TOP1: variants seen among roughly 807,000 people sequenced by gnomAD.
TOP1 encodes the protein DNA topoisomerase 1.
A neutral mutation model predicts 111.1 loss-of-function variants in TOP1; 10 were observed. The observed-to-expected ratio is 0.09, with a 90% CI of 0.06 to 0.15. TOP1 has a LOEUF of 0.15. TOP1 is among the 10% of genes least tolerant of loss of function. The pLI, the probability that TOP1 is intolerant of heterozygous loss-of-function variation, is 1.00. For synonymous variants in TOP1, 271 were observed against 302.9 expected, an observed-to-expected ratio of 0.89 and a Z score of 1.10; for missense variants, 474 against 926.7, an observed-to-expected ratio of 0.51 and a Z score of 6.34.
chr20:41,088,534 G>C (rs1304741673), intron 8 of TOP1, among the ~76,000 whole-genome samples: 2 of 152,030 alleles, frequency 1.3e-5, no homozygotes, highest in Non-Finnish European at 2.9e-5. Context: ...AAACACTGTA[G>C]TCGATGAGAA....
chr20:41,061,267 G>T lies in TOP1; in HGVS notation c.59-127G>T. 2.6e-6 allele frequency: 2 copies of T among 776,760 alleles called. No homozygotes were observed. Among genetic ancestry groups the T allele is most frequent in the African/African-American group, 1.7e-5 (1 of 57,716 alleles). 48.1% of individuals were successfully genotyped at this position (776,760 alleles called of 1,614,324 possible). A position where few individuals can be genotyped will look rare whatever the true frequency, so the allele number is the denominator to read the frequency against. ...TTTGTGAAAGCTTTTTTTTTCAGTG[G>T]CATGTGCTATTATGCCTACCATGCC... is the stretch of plus-strand genomic sequence containing the variant. On this transcript the variant is annotated intron_variant, in intron 2 of 20. Transcript: ENST00000361337. The surrounding 1 kb of genome is among the most constrained non-coding windows in gnomAD (Gnocchi z 4.6).
Position 41,065,120 on chromosome 20 carries a change from G to T in TOP1, c.155+3630G>T, listed in dbSNP as rs1443194170. ...GGGTTTCACCATGTTGACTAGGCTGGTCTCAAACTCCTGACCTCAAGTGAT... is the reference window on the plus strand; with the variant it reads ...GGGTTTCACCATGTTGACTAGGCTGTTCTCAAACTCCTGACCTCAAGTGAT... On this transcript the variant is annotated intron_variant, in intron 3 of 20. Coordinates refer to ENST00000361337, the MANE Select transcript of TOP1 (RefSeq NM_003286.4). Among the ~76,000 whole-genome samples, 7 of 152,222 alleles carry T rather than the reference G, an allele frequency of 4.6e-5. 1 individual carries two copies. The East Asian group carries it at 1.3e-3, about 29-fold the overall frequency.
intron 3 of TOP1, among the ~76,000 whole-genome samples, chr20:41,068,359 C>T (rs1009361432): frequency 6.6e-6 from 1 of 152,210 alleles, no homozygotes; most frequent in Non-Finnish European, 1.5e-5. Flanking sequence ...CATCACTTAT[C>T]TCTTGACACT....
At chr20:41,038,537 G>A (rs889341802) in intron 2 of TOP1, among the ~76,000 whole-genome samples, 5 of 152,122 alleles carry the variant, frequency 3.3e-5, no homozygotes, top group African/African-American at 1.2e-4. Context: ...GGTCACTAGG[G>A]AGCATTGAGT....
At chr20:41,073,497 G>T (rs1373459757) in intron 3 of TOP1, 2 of 984,632 alleles carry the variant, frequency 2.0e-6, no homozygotes, top group Non-Finnish European at 2.4e-6. Context: ...GTAAAATAAA[G>T]CTAGGACCTT....
intron 2 of TOP1, among the ~76,000 whole-genome samples, chr20:41,051,796 T>G (rs1401596108): frequency 6.6e-6 from 1 of 152,136 alleles, no homozygotes; most frequent in Admixed American, 6.5e-5. Context: ...TGGGTATGGT[T>G]GCTGCCTCAA....
At chr20:41,090,409 C>G (rs528061936) in intron 8 of TOP1, among the ~76,000 whole-genome samples, 34 of 152,320 alleles carry the variant, frequency 2.2e-4, no homozygotes, top group Non-Finnish European at 3.7e-4. Context: ...TTATCAGATA[C>G]ATGATTTACA....
At chr20:41,043,133 A>G (rs1330457883) in intron 2 of TOP1, among the ~76,000 whole-genome samples, 2 of 152,246 alleles carry the variant, frequency 1.3e-5, no homozygotes, top group African/African-American at 4.8e-5. Flanking sequence ...CTTGTTGGAC[A>G]TGCAGATTCT....
intron 9 of TOP1, among the ~76,000 whole-genome samples, chr20:41,096,512 T>C (rs2033984902): frequency 6.6e-6 from 1 of 152,220 alleles, no homozygotes; most frequent in South Asian, 2.1e-4. Flanking sequence ...CTAGTGTGCA[T>C]CCAAGTCTTG....
intron 9 of TOP1, among the ~76,000 whole-genome samples, chr20:41,096,197 G>C (rs546893552): frequency 6.6e-6 from 1 of 152,282 alleles, no homozygotes; most frequent in East Asian, 1.9e-4. Flanking sequence ...CTCCTGAGTA[G>C]CTGGAGTTAC....
chr20:41,029,514 G>A lies in TOP1; in HGVS notation c.58+59G>A, dbSNP rs1169530766. The A allele has an allele frequency of 7.1e-7, 1 of 1,410,168 alleles. No individual in the cohort carries two copies. Among genetic ancestry groups the A allele is most frequent in the East Asian group, 2.5e-5 (1 of 39,494 alleles). The allele number at this position is 1,410,168 out of a possible 1,614,324, so 87.4% of individuals were successfully genotyped here. The stretch of plus-strand genomic sequence containing the variant: ...CCCAGCCGCCGGCCGCCTCCCCCGC[G>A]CCCTGCCGGTGCCGGGCAGAGGACA... On this transcript the variant is annotated intron_variant, in intron 2 of 20. Transcript: ENST00000361337. The surrounding 1 kb of genome is among the most constrained non-coding windows in gnomAD (Gnocchi z 6.1).
Position 41,029,121 on chromosome 20 carries a change from G to A in TOP1, c.33+21G>A, listed in dbSNP as rs1435340081. 9.4e-6 allele frequency: 14 copies of A among 1,487,742 alleles called. No homozygotes were observed. Among genetic ancestry groups the A allele is most frequent in the Admixed American group, 2.3e-5 (1 of 43,632 alleles). 92.2% of individuals were successfully genotyped at this position (1,487,742 alleles called of 1,614,324 possible). A position where few individuals can be genotyped will look rare whatever the true frequency, so the allele number is the denominator to read the frequency against. Reference sequence around the variant, plus strand: ...CCCAGGTACGGCCCGGCCTGACCCTGGCGGCCCCGGACCCCGGCCTGGCCG... The same window carrying A: ...CCCAGGTACGGCCCGGCCTGACCCTAGCGGCCCCGGACCCCGGCCTGGCCG... On this transcript the variant is annotated intron_variant, in intron 1 of 20. Coordinates refer to ENST00000361337, the MANE Select transcript of TOP1 (RefSeq NM_003286.4). The surrounding 1 kb of genome is among the most constrained non-coding windows in gnomAD (Gnocchi z 6.1).
intron 2 of TOP1, among the ~76,000 whole-genome samples, chr20:41,052,882 C>G (rs547081622): frequency 1.4e-4 from 22 of 152,160 alleles, no homozygotes; most frequent in Admixed American, 5.9e-4. Flanking sequence ...CCCAGCTACT[C>G]GGGAGCCTGA....
chr20:41,077,628 G>T lies in TOP1; in HGVS notation c.326G>T (p.Gly109Val). 2 of 1,614,030 alleles carry T rather than the reference G, an allele frequency of 1.2e-6. No individual in the cohort carries two copies. Among genetic ancestry groups the T allele is most frequent in the Non-Finnish European group, 1.7e-6 (2 of 1,179,902 alleles). Residue 109 changes from glycine (G) to valine (V), a missense_variant, in exon 5 of 21, where the codon GGC becomes GTC. Physicochemically the swap from Gly to Val is moderately radical, Grantham distance 109 (BLOSUM62 -3). This residue lies in a region of TOP1 where 185 missense variants were observed against 226.3 expected (regional missense o/e 0.82). Coordinates refer to ENST00000361337, the MANE Select transcript of TOP1 (RefSeq NM_003286.4). The part of the protein sequence containing the change: ...DAKIKKEKEN[G>V]FSSPPQIKDE... ...AAAATAAAGAAGGAGAAGGAAAATG[G>T]CTTCTCTAGGTAAGACTTTGCTGCT...
Position 41,101,053 on chromosome 20 carries a change from G to A in TOP1, c.1164-156G>A. 1.5e-6 allele frequency: 1 copy of A among 662,038 alleles called. No individual in the cohort carries two copies. The allele number at this position is 662,038 out of a possible 1,614,324, so 41.0% of individuals were successfully genotyped here. ...TATTTTCGGATGACAGTTGGCTGAG[G>A]GTAAGTAAAACCATGCATAAGGTGG... On this transcript the variant is annotated intron_variant, in intron 12 of 20. Transcript: ENST00000361337. The surrounding 1 kb of genome is among the most constrained non-coding windows in gnomAD (Gnocchi z 4.1).
chr20:41,064,996 C>T (rs1431466392), intron 3 of TOP1, among the ~76,000 whole-genome samples: 4 of 152,084 alleles, frequency 2.6e-5, no homozygotes, highest in Non-Finnish European at 5.9e-5. Flanking sequence ...TCTCCACCTC[C>T]CAGGTTCAAG....
Position 41,079,947 on chromosome 20 carries a change from C to A in TOP1, c.336-138C>A. On this transcript the variant is annotated intron_variant, in intron 5 of 20. Transcript: ENST00000361337. This position sits in a 1 kb window ranked among gnomAD's most constrained non-coding sequence, Gnocchi z 4.0. ...CAGGATTGAAGTGAGAAAAAGTGCT[C>A]ACAGAACATCTTCATGATATGTACG... The A allele has an allele frequency of 1.6e-6, 1 of 625,194 alleles. No homozygotes were observed. The highest frequency in any genetic ancestry group is 2.8e-6 in the Non-Finnish European group (1 of 351,840). 38.7% of individuals were successfully genotyped at this position (625,194 alleles called of 1,614,324 possible).
chr20:41,063,601 T>C (rs972550908), intron 3 of TOP1, among the ~76,000 whole-genome samples: 2 of 152,188 alleles, frequency 1.3e-5, no homozygotes, highest in African/African-American at 4.8e-5. Context: ...TTGTGAGCCA[T>C]CTGCTGGTTT....
chr20:41,123,377 C>G lies in TOP1; in HGVS notation c.*80C>G, dbSNP rs942039876. On this transcript the variant is annotated 3_prime_UTR_variant, in exon 21 of 21. Coordinates refer to ENST00000361337, the MANE Select transcript of TOP1 (RefSeq NM_003286.4). This position sits in a 1 kb window ranked among gnomAD's most constrained non-coding sequence, Gnocchi z 5.8. The stretch of plus-strand genomic sequence containing the variant: ...GGATAAACTGAGCCTCACTTGCCCT[C>G]GTGCCTGGGGGAGAGAGGCAGCAAG... 1.1e-5 allele frequency: 11 copies of G among 1,026,406 alleles called. No homozygotes were observed. The African/African-American group carries it at 1.6e-4, about 15-fold the overall frequency. The allele number at this position is 1,026,406 out of a possible 1,614,324, so 63.6% of individuals were successfully genotyped here. A position where few individuals can be genotyped will look rare whatever the true frequency, so the allele number is the denominator to read the frequency against.
Sources: allele counts gnomAD v4.1 joint callset (sites outside exome capture counted in the v4.1 genomes callset), GRCh38; gene constraint gnomAD v4.1.1; regional missense constraint gnomAD v4.1.1; non-coding constraint Gnocchi (gnomAD v3.1); transcripts MANE v1.5; gene names NCBI Gene and HGNC (gene_info 2026-07-23, HGNC 2026-07-21).